Variants in HS6ST3 observed in about 807,000 individuals in gnomAD.
The protein encoded by HS6ST3 is heparan-sulfate 6-O-sulfotransferase 3.
HS6ST3 carries 12 observed loss-of-function variants against 36.7 expected under a neutral mutation model. The observed-to-expected ratio is 0.33, with a 90% confidence interval of 0.21 to 0.53. HS6ST3 has a LOEUF of 0.53. Among genes scored for constraint, HS6ST3 ranks in the 20% least tolerant of loss-of-function variants. The pLI, the probability that HS6ST3 is intolerant of heterozygous loss-of-function variation, is 0.95. For synonymous variants in HS6ST3, 240 were observed against 257.5 expected (o/e 0.93, Z 0.65); for missense variants, 584 against 640.9 (o/e 0.91, Z 0.96).
At chr13:96,108,984 T>TATCTCTA (rs1397347413) in intron 1 of HS6ST3, among the ~76,000 whole-genome samples, 1 of 152,148 alleles carries the variant, frequency 6.6e-6, no homozygotes, top group Non-Finnish European at 1.5e-5. Context: ...TCTCTATCTC[T>TATCTCTA]ATCTCTATCT....
chr13:96,224,007 C>T (rs1388412145), intron 1 of HS6ST3, among the ~76,000 whole-genome samples: 1 of 151,930 alleles, frequency 6.6e-6, no homozygotes, highest in East Asian at 1.9e-4. Flanking sequence ...CCCCTTTCCT[C>T]CTCTTCTCTC....
intron 1 of HS6ST3, among the ~76,000 whole-genome samples, chr13:96,163,555 A>T (rs1025400583): frequency 2.6e-5 from 4 of 152,046 alleles, no homozygotes; most frequent in Non-Finnish European, 4.4e-5. Context: ...TAAAAACTAG[A>T]CCAGCCTAGA....
intron 1 of HS6ST3, among the ~76,000 whole-genome samples, chr13:96,367,909 C>G (rs183095403): frequency 1.3e-5 from 2 of 152,200 alleles, no homozygotes; most frequent in African/African-American, 4.8e-5. Flanking sequence ...GAGCAGCGTT[C>G]TTTCAACAAG....
chr13:96,361,315 G>A (rs1234184091), intron 1 of HS6ST3, among the ~76,000 whole-genome samples: 1 of 152,088 alleles, frequency 6.6e-6, no homozygotes, highest in African/African-American at 2.4e-5. Flanking sequence ...GCTCTGTTGA[G>A]CCTATATAAA....
chr13:96,212,900 A>G (rs2054405789), intron 1 of HS6ST3, among the ~76,000 whole-genome samples: 1 of 152,216 alleles, frequency 6.6e-6, no homozygotes, highest in Non-Finnish European at 1.5e-5. Flanking sequence ...TAGATTAACT[A>G]TTGAAAATAT....
chr13:96,531,454 T>G (rs2056135045), intron 1 of HS6ST3, among the ~76,000 whole-genome samples: 1 of 152,236 alleles, frequency 6.6e-6, no homozygotes, highest in East Asian at 1.9e-4. Flanking sequence ...TAGAGTGTAC[T>G]GAGAATGTTC....
intron 1 of HS6ST3, among the ~76,000 whole-genome samples, chr13:96,566,354 G>A (rs992348088): frequency 2.6e-5 from 4 of 152,036 alleles, no homozygotes; most frequent in African/African-American, 9.7e-5. Flanking sequence ...AAACCTTACA[G>A]AAAGAGGTAA....
chr13:96,280,366 T>C (rs909395376), intron 1 of HS6ST3, among the ~76,000 whole-genome samples: 7 of 152,144 alleles, frequency 4.6e-5, no homozygotes, highest in African/African-American at 1.7e-4. Flanking sequence ...CATTTCTCCA[T>C]TCTACGTTTA....
intron 1 of HS6ST3, among the ~76,000 whole-genome samples, chr13:96,357,912 A>T (rs1379428248): frequency 6.6e-6 from 1 of 152,204 alleles, no homozygotes; most frequent in Non-Finnish European, 1.5e-5. Flanking sequence ...ACTATAATAG[A>T]TATAATAATG....
chr13:96,425,807 G>C (rs1158982734), intron 1 of HS6ST3, among the ~76,000 whole-genome samples: 1 of 151,900 alleles, frequency 6.6e-6, no homozygotes, highest in African/African-American at 2.4e-5. Flanking sequence ...TTTTTGGGGG[G>C]AGATACATAT....
At chr13:96,291,139 G>A (rs896900561) in intron 1 of HS6ST3, among the ~76,000 whole-genome samples, 2 of 151,946 alleles carry the variant, frequency 1.3e-5, no homozygotes, top group Non-Finnish European at 1.5e-5. Flanking sequence ...ATAACATACT[G>A]TGTATTTTAC....
At chr13:96,264,825 AGT>A (rs2054683798) in intron 1 of HS6ST3, among the ~76,000 whole-genome samples, 4 of 152,222 alleles carry the variant, frequency 2.6e-5, no homozygotes, top group Admixed American at 2.6e-4. Flanking sequence ...ATTATTTGCC[AGT>A]GTTATAAGTT....
intron 1 of HS6ST3, among the ~76,000 whole-genome samples, chr13:96,127,423 G>A (rs2053957070): frequency 6.6e-6 from 1 of 152,188 alleles, no homozygotes; most frequent in South Asian, 2.1e-4. Flanking sequence ...TAGGGTTTGT[G>A]CTCCTATGAG....
At chr13:96,567,466 G>GTAA (rs2056285596) in intron 1 of HS6ST3, among the ~76,000 whole-genome samples, 1 of 152,118 alleles carries the variant, frequency 6.6e-6, no homozygotes, top group Non-Finnish European at 1.5e-5. Context: ...CTGCGGGGAA[G>GTAA]TAATTTTGAG....
intron 1 of HS6ST3, among the ~76,000 whole-genome samples, chr13:96,373,943 T>C (rs935048535): frequency 6.6e-6 from 1 of 152,168 alleles, no homozygotes; most frequent in African/African-American, 2.4e-5. Flanking sequence ...CCTTTTAGGG[T>C]TTGGACTATG....
intron 1 of HS6ST3, among the ~76,000 whole-genome samples, chr13:96,741,419 A>G (rs984346335): frequency 3.9e-5 from 6 of 152,230 alleles, no homozygotes; most frequent in African/African-American, 1.4e-4. Context: ...TCTATTCTGC[A>G]CACTGCACTT....
At chr13:96,108,323 C>T (rs550078088) in intron 1 of HS6ST3, among the ~76,000 whole-genome samples, 11 of 152,228 alleles carry the variant, frequency 7.2e-5, no homozygotes, top group South Asian at 2.1e-4. Context: ...CTAGTCAGAC[C>T]GGTTTTCTGC....
At chr13:96,730,245 ATCT>A (rs1876113838) in intron 1 of HS6ST3, among the ~76,000 whole-genome samples, 1 of 152,142 alleles carries the variant, frequency 6.6e-6, no homozygotes, top group Admixed American at 6.5e-5. Context: ...CCTTCTGGTC[ATCT>A]TCTTGCAGCT....
At chr13:96,247,232 G>C (rs182711196) in intron 1 of HS6ST3, among the ~76,000 whole-genome samples, 1 of 151,928 alleles carries the variant, frequency 6.6e-6, no homozygotes. Context: ...TGGTGGCAAC[G>C]TGTCTATTGA....
Sources: allele counts gnomAD v4.1 joint callset (sites outside exome capture counted in the v4.1 genomes callset), GRCh38; gene constraint gnomAD v4.1.1; transcripts MANE v1.5; gene names NCBI Gene and HGNC (gene_info 2026-07-23, HGNC 2026-07-21).